SLC5A8: variants seen among roughly 807,000 people sequenced by gnomAD.
SLC5A8 encodes sodium-coupled monocarboxylate transporter 1.
A neutral mutation model predicts 71.9 loss-of-function variants in SLC5A8; 55 were observed. The observed-to-expected ratio is 0.77, with a 90% CI of 0.62 to 0.96. The LOEUF (loss-of-function observed/expected upper bound fraction) is 0.96, where lower values mean the gene tolerates loss of function less well. Ranked by LOEUF, SLC5A8 falls within the 40% of genes least tolerant of loss-of-function variation. SLC5A8 has a pLI of 0.00. For synonymous variants in SLC5A8, 307 were observed against 276.1 expected (o/e 1.11, Z -1.11); for missense variants, 701 against 745.3 (o/e 0.94, Z 0.69).
chr12:101,193,687 C>T lies in SLC5A8; in HGVS notation c.630G>A (p.Met210Ile), dbSNP rs151212307. The T allele has an allele frequency of 4.3e-5, 69 of 1,614,166 alleles. No homozygotes were observed. In the African/African-American group the frequency reaches 8.9e-4, roughly 21 times the overall value. ...TTAAAATAGTGCTGATTCCACCTTG[C>T]ATCACCACAGCCTGTATAATCACGG... The part of the protein sequence containing the change: ...FASVIIQAVV[M>I]QGGISTILND... Residue 210 changes from methionine to isoleucine, a missense_variant, in exon 5 of 15, where the codon ATG (methionine) becomes ATA (isoleucine). By Grantham distance (10) the Met-to-Ile change is conservative. Coordinates refer to ENST00000536262, the MANE Select transcript of SLC5A8 (RefSeq NM_145913.5).
rs528400494 is a variant in SLC5A8, at chr12:101,190,424, A to C, written c.833+44T>G. On this transcript the variant is annotated intron_variant, in intron 6 of 14. Transcript: ENST00000536262. ...TTATGAAAGAGTTTCCATAAAGACA[A>C]CTGATGGTTATTAATGATTCATATA... is the stretch of plus-strand genomic sequence containing the variant. 34 of 1,584,388 alleles carry C rather than the reference A, an allele frequency of 2.1e-5. 1 individual carries two copies. In the African/African-American group the frequency reaches 3.0e-4, roughly 14 times the overall value.
intron 5 of SLC5A8, among the ~76,000 whole-genome samples, chr12:101,193,213 T>A (rs1868997864): frequency 1.3e-5 from 2 of 152,186 alleles, no homozygotes; most frequent in African/African-American, 4.8e-5. Context: ...CCTCAGGTGA[T>A]CCACCCACCT....
intron 1 of SLC5A8, among the ~76,000 whole-genome samples, chr12:101,209,207 C>T (rs1335886169): frequency 6.6e-6 from 1 of 152,174 alleles, no homozygotes; most frequent in Non-Finnish European, 1.5e-5. Flanking sequence ...AGGACCATAG[C>T]GAGCACTACT....
Position 101,193,786 on chromosome 12 carries a change from G to A in SLC5A8, c.538-7C>T. On this transcript the variant is annotated splice_polypyrimidine_tract_variant and splice_region_variant and intron_variant, in intron 4 of 14. Coordinates refer to ENST00000536262, the MANE Select transcript of SLC5A8 (RefSeq NM_145913.5). ...TAACTGCTTTAAGACCACCCTTTGA[G>A]GGGAAAGTATATTAGGATTAATGCT... is the stretch of plus-strand genomic sequence containing the variant. 1 of 1,613,636 alleles carries A rather than the reference G, an allele frequency of 6.2e-7. No homozygotes were observed. The highest frequency in any genetic ancestry group is 8.5e-7 in the Non-Finnish European group (1 of 1,179,830).
intron 3 of SLC5A8, among the ~76,000 whole-genome samples, chr12:101,199,968 T>TA (rs1869367424): frequency 1.2e-5 from 1 of 84,222 alleles, no homozygotes; most frequent in African/African-American, 4.7e-5. Context: ...AGAGAATGGA[T>TA]AAAAAAATGT....
chr12:101,194,270 C>T (rs1015923489), intron 4 of SLC5A8, among the ~76,000 whole-genome samples: 1 of 152,188 alleles, frequency 6.6e-6, no homozygotes, highest in Non-Finnish European at 1.5e-5. Flanking sequence ...TTCTCTATGA[C>T]CTAAGCAGAA....
At chr12:101,202,061 T>A in intron 3 of SLC5A8, 103 bp downstream of exon 3, 2 of 1,127,802 alleles carry the variant, frequency 1.8e-6, no homozygotes, top group Non-Finnish European at 2.6e-6. Context: ...TGCAGGTTAC[T>A]AGAAGCATTC....
intron 12 of SLC5A8, among the ~76,000 whole-genome samples, chr12:101,163,402 G>A (rs1413516720): frequency 2.0e-5 from 3 of 152,156 alleles, no homozygotes; most frequent in Non-Finnish European, 4.4e-5. Flanking sequence ...GAACTTGGCT[G>A]GGGTGGTGGC....
intron 6 of SLC5A8, among the ~76,000 whole-genome samples, chr12:101,187,821 T>A (rs1868725940): frequency 6.6e-6 from 1 of 152,218 alleles, no homozygotes; most frequent in Non-Finnish European, 1.5e-5. Flanking sequence ...CTACTTCAGG[T>A]CTTCTTGTCA....
At chr12:101,158,594 CTCTCTATATATATATATATA>C (rs1391942731) in intron 13 of SLC5A8, among the ~76,000 whole-genome samples, 6 of 21,298 alleles carry the variant, frequency 2.8e-4, no homozygotes, top group Non-Finnish European at 3.9e-4. Flanking sequence ...CTCTCTCTCT[CTCTCTATATATATATATATA>C]TATATATATA....
intron 13 of SLC5A8, among the ~76,000 whole-genome samples, chr12:101,159,624 A>G (rs1182021295): frequency 6.6e-6 from 1 of 152,224 alleles, no homozygotes; most frequent in Admixed American, 6.5e-5. Context: ...TGTGAAGTTA[A>G]TGAAGTTGAA....
intron 1 of SLC5A8, among the ~76,000 whole-genome samples, chr12:101,208,055 A>G (rs1869746442): frequency 6.6e-6 from 1 of 152,130 alleles, no homozygotes; most frequent in African/African-American, 2.4e-5. Flanking sequence ...GAAAGAAGTC[A>G]TAGTCTGAAA....
At chr12:101,198,822 TA>T (rs1254005350) in intron 3 of SLC5A8, among the ~76,000 whole-genome samples, 3 of 151,860 alleles carry the variant, frequency 2.0e-5, no homozygotes, top group Admixed American at 2.0e-4. Context: ...CGGTAATATA[TA>T]AAAAGGATAA....
intron 5 of SLC5A8, among the ~76,000 whole-genome samples, chr12:101,191,476 G>T (rs948110718): frequency 6.6e-6 from 1 of 152,188 alleles, no homozygotes; most frequent in Non-Finnish European, 1.5e-5. Flanking sequence ...TTATGGAAAT[G>T]TGAGAGCCTC....
intron 8 of SLC5A8, 58 bp from the exon 9 acceptor site, chr12:101,182,973 G>T: frequency 1.2e-6 from 1 of 812,986 alleles, no homozygotes; most frequent in Non-Finnish European, 1.8e-6. Flanking sequence ...AATACTTTAA[G>T]TGGGAATGAG....
chr12:101,193,521 A>G, intron 5 of SLC5A8, 104 bp downstream of exon 5: 1 of 1,344,474 alleles, frequency 7.4e-7, no homozygotes, highest in Non-Finnish European at 1.0e-6. Flanking sequence ...CATCCTTAGC[A>G]ATTTGTTGGC....
intron 9 of SLC5A8, among the ~76,000 whole-genome samples, chr12:101,181,709 A>G (rs1442447498): frequency 6.6e-6 from 1 of 152,162 alleles, no homozygotes; most frequent in Non-Finnish European, 1.5e-5. Flanking sequence ...ATTCTACTAA[A>G]CCACACAGCT....
rs116242217 is a variant in SLC5A8 at position 101,198,813 on chromosome 12, G to A, written c.469+3351C>T. Among the ~76,000 whole-genome samples, 869 of 151,846 alleles carry A rather than the reference G, an allele frequency of 5.7e-3. 6 individuals carry two copies. The highest frequency in any genetic ancestry group is 0.02 in the African/African-American group (811 of 41,478). ...ATCAAAATGTTAGCAAATCGAATTC[G>A]GTAATATATAAAAAGGATAATACAT... On this transcript the variant is annotated intron_variant, in intron 3 of 14. Coordinates refer to ENST00000536262, the MANE Select transcript of SLC5A8 (RefSeq NM_145913.5).
chr12:101,195,169 A>G lies in SLC5A8; in HGVS notation c.470-7T>C, dbSNP rs1285437187. The G allele has an allele frequency of 6.2e-7, 1 of 1,613,390 alleles. No homozygotes were observed. The highest frequency in any genetic ancestry group is 2.2e-5 in the East Asian group (1 of 44,894). ...CACAGATCAAATCCTGTGACTGTAGAAAAAAATAGAATGCATATATAATTG... is the reference window on the plus strand; with the variant it reads ...CACAGATCAAATCCTGTGACTGTAGGAAAAAATAGAATGCATATATAATTG... On this transcript the variant is annotated splice_region_variant and splice_polypyrimidine_tract_variant and intron_variant, in intron 3 of 14. Coordinates refer to ENST00000536262, the MANE Select transcript of SLC5A8 (RefSeq NM_145913.5).
Sources: gnomAD v4.1 joint callset for allele counts (sites outside exome capture counted in the v4.1 genomes callset) on GRCh38, gnomAD v4.1.1 for gene constraint, MANE v1.5 for transcripts, NCBI Gene and HGNC (gene_info 2026-07-23, HGNC 2026-07-21) for gene names.